Variants in SGCZ observed in about 807,000 individuals in gnomAD.
SGCZ encodes the protein zeta-sarcoglycan.
A neutral mutation model predicts 41.3 loss-of-function variants in SGCZ; 40 were observed. The observed-to-expected ratio is 0.97, with a 90% CI of 0.75 to 1.26. The LOEUF (loss-of-function observed/expected upper bound fraction) is 1.26, where lower values mean the gene tolerates loss of function less well. Ranked by LOEUF, SGCZ falls within the 50% of genes most tolerant of loss-of-function variation. The probability of loss-of-function intolerance (pLI) is 0.00; values close to 1 mark genes in which losing one functional copy is unlikely to be tolerated. For synonymous variants in SGCZ, 206 were observed against 137.5 expected (o/e 1.50, Z -3.49); for missense variants, 552 against 369.8 (o/e 1.49, Z -4.04).
intron 4 of SGCZ, among the ~76,000 whole-genome samples, chr8:14,188,326 A>T (rs959015501): frequency 6.6e-6 from 1 of 152,204 alleles, no homozygotes; most frequent in Non-Finnish European, 1.5e-5. Context: ...TGTGATTTAA[A>T]AGGCAAATGG....
chr8:14,474,049 G>A (rs58894232), intron 2 of SGCZ, among the ~76,000 whole-genome samples: 1 of 152,024 alleles, frequency 6.6e-6, no homozygotes, highest in Non-Finnish European at 1.5e-5. Context: ...GACAAGATTG[G>A]GGAAAGTTAT....
At chr8:14,645,666 C>T (rs1807190368) in intron 1 of SGCZ, among the ~76,000 whole-genome samples, 2 of 151,182 alleles carry the variant, frequency 1.3e-5, no homozygotes, top group African/African-American at 4.9e-5. Context: ...ACCCCATACG[C>T]ACCTTTTCAT....
intron 4 of SGCZ, among the ~76,000 whole-genome samples, chr8:14,172,608 G>C (rs1333485682): frequency 1.3e-5 from 2 of 149,014 alleles, no homozygotes; most frequent in African/African-American, 5.2e-5. Context: ...TTAGACAAAA[G>C]ACAACAGGAT....
chr8:14,220,642 T>C (rs113475713), intron 4 of SGCZ, among the ~76,000 whole-genome samples: 5 of 151,962 alleles, frequency 3.3e-5, no homozygotes, highest in African/African-American at 1.2e-4. Flanking sequence ...CAAAAATCAG[T>C]TGGGCGTAGT....
In SGCZ at chr8:14,662,769, C is replaced by G. The variant is rs141766068; in HGVS notation, c.40-107843G>C. ...TCCTGCATTATCCACAAGCATGGGCCCAAGGTAATCACAAGGGTCCTTGGA... is the reference window on the plus strand; with the variant it reads ...TCCTGCATTATCCACAAGCATGGGCGCAAGGTAATCACAAGGGTCCTTGGA... On this transcript the variant is annotated intron_variant, in intron 1 of 7. Transcript: ENST00000382080. Among the ~76,000 whole-genome samples the G allele has an allele frequency of 7.2e-5, 11 of 152,090 alleles. No individual in the cohort carries two copies. In the East Asian group the frequency reaches 2.1e-3, roughly 29 times the overall value.
chr8:14,644,245 A>C (rs772035834), intron 1 of SGCZ, among the ~76,000 whole-genome samples: 49 of 151,710 alleles, frequency 3.2e-4, no homozygotes, highest in African/African-American at 1.0e-3. Flanking sequence ...ACTTTGAGTA[A>C]AGTAGATTGC....
intron 1 of SGCZ, among the ~76,000 whole-genome samples, chr8:15,156,483 C>T (rs1363670503): frequency 6.6e-6 from 1 of 152,130 alleles, no homozygotes; most frequent in Non-Finnish European, 1.5e-5. Flanking sequence ...AAGAACATAC[C>T]TGAAAAGCTG....
chr8:14,838,221 A>G (rs1466058599), intron 1 of SGCZ, among the ~76,000 whole-genome samples: 1 of 152,114 alleles, frequency 6.6e-6, no homozygotes, highest in Non-Finnish European at 1.5e-5. Flanking sequence ...AGATAGGTAG[A>G]TAGAATGAAT....
intron 4 of SGCZ, among the ~76,000 whole-genome samples, chr8:14,226,038 C>A (rs759999774): frequency 2.4e-4 from 37 of 152,070 alleles, no homozygotes; most frequent in Non-Finnish European, 4.9e-4. Context: ...AAGTGATATT[C>A]TAATCACTTA....
chr8:14,163,847 A>G lies in SGCZ; in HGVS notation c.547+733T>C, dbSNP rs562210366. 7.2e-5 allele frequency among the ~76,000 whole-genome samples: 11 copies of G among 152,276 alleles called. No individual in the cohort carries two copies. In the South Asian group the frequency reaches 2.3e-3, roughly 32 times the overall value. On this transcript the variant is annotated intron_variant, in intron 5 of 7. Transcript: ENST00000382080. ...AAGTTTGGGAAACATGAAGTCAAAT[A>G]TACTTTATTATTTTCTTCTTGTTTT...
chr8:14,439,183 G>T lies in SGCZ; in HGVS notation c.235-114979C>A, dbSNP rs377031440. Among the ~76,000 whole-genome samples, 25 of 151,882 alleles carry T rather than the reference G, an allele frequency of 1.6e-4. No homozygotes were observed. The South Asian group carries it at 4.8e-3, about 29-fold the overall frequency. Reference sequence around the variant, plus strand: ...GAAGAATTATTTGTAGTAAGAAAATGCATTTAAAAATACTGACTTAGGATT... The same window carrying T: ...GAAGAATTATTTGTAGTAAGAAAATTCATTTAAAAATACTGACTTAGGATT... On this transcript the variant is annotated intron_variant, in intron 2 of 7. Transcript: ENST00000382080.
At chr8:14,435,572 A>G (rs1800067098) in intron 2 of SGCZ, among the ~76,000 whole-genome samples, 1 of 152,226 alleles carries the variant, frequency 6.6e-6, no homozygotes, top group Non-Finnish European at 1.5e-5. Flanking sequence ...GAGCCACGAT[A>G]GTAAGTCAGC....
At chr8:14,213,623 A>G (rs1463507041) in intron 4 of SGCZ, among the ~76,000 whole-genome samples, 1 of 152,016 alleles carries the variant, frequency 6.6e-6, no homozygotes, top group Non-Finnish European at 1.5e-5. Context: ...AAAACAACAA[A>G]AAACAAAAAA....
chr8:14,905,283 A>G (rs1316060446), intron 1 of SGCZ, among the ~76,000 whole-genome samples: 1 of 152,172 alleles, frequency 6.6e-6, no homozygotes, highest in East Asian at 1.9e-4. Flanking sequence ...TAAAGAATGA[A>G]CAAAGGAAAA....
chr8:15,097,066 T>C (rs971236529), intron 1 of SGCZ, among the ~76,000 whole-genome samples: 1 of 152,094 alleles, frequency 6.6e-6, no homozygotes, highest in Non-Finnish European at 1.5e-5. Flanking sequence ...TCCTCCTGCC[T>C]CAGCCTCCTG....
At chr8:15,195,552 A>G (rs1800695540) in intron 1 of SGCZ, among the ~76,000 whole-genome samples, 2 of 152,318 alleles carry the variant, frequency 1.3e-5, no homozygotes. Context: ...TCACAATGCT[A>G]AAATGATGGG....
At chr8:14,591,942 A>G (rs1805254862) in intron 1 of SGCZ, among the ~76,000 whole-genome samples, 1 of 152,174 alleles carries the variant, frequency 6.6e-6, no homozygotes, top group South Asian at 2.1e-4. Flanking sequence ...ACAGCAGCTG[A>G]GGTACACAAT....
chr8:15,142,747 G>T (rs574822606), intron 1 of SGCZ, among the ~76,000 whole-genome samples: 1 of 151,292 alleles, frequency 6.6e-6, no homozygotes, highest in Non-Finnish European at 1.5e-5. Context: ...GAGTAGCTGG[G>T]CCTACAGGCA....
intron 1 of SGCZ, among the ~76,000 whole-genome samples, chr8:15,235,084 T>C (rs1260314936): frequency 2.6e-5 from 4 of 152,108 alleles, no homozygotes; most frequent in African/African-American, 9.7e-5. Flanking sequence ...TCCTAGCTTT[T>C]TTCTTCCCTC....
Sources: allele counts gnomAD v4.1 joint callset (sites outside exome capture counted in the v4.1 genomes callset), GRCh38; gene constraint gnomAD v4.1.1; transcripts MANE v1.5; gene names NCBI Gene and HGNC (gene_info 2026-07-23, HGNC 2026-07-21).